DLG2: variants seen among roughly 807,000 people sequenced by gnomAD.
DLG2 encodes discs large MAGUK scaffold protein 2.
In DLG2, 45 loss-of-function variants were observed where a neutral mutation model predicts 132.5. That is an observed-to-expected ratio of 0.34 (90% confidence interval 0.27 to 0.44). DLG2 has a LOEUF of 0.44. Among genes scored for constraint, DLG2 ranks in the 20% least tolerant of loss-of-function variants. The pLI, the probability that DLG2 is intolerant of heterozygous loss-of-function variation, is 1.00. For synonymous variants in DLG2, 424 were observed against 419.6 expected (o/e 1.01, Z -0.13); for missense variants, 1,045 against 1,196.9 (o/e 0.87, Z 1.87).
intron 6 of DLG2, among the ~76,000 whole-genome samples, chr11:84,973,743 C>T (rs2054454659): frequency 6.6e-6 from 1 of 152,140 alleles, no homozygotes; most frequent in Admixed American, 6.5e-5. Flanking sequence ...TATATGGTCT[C>T]CATTGCCAAT....
chr11:84,302,783 T>G (rs1391925118), intron 7 of DLG2, among the ~76,000 whole-genome samples: 1 of 152,072 alleles, frequency 6.6e-6, no homozygotes, highest in Non-Finnish European at 1.5e-5. Context: ...CTAGTTTTTA[T>G]TTTATTAAAA....
intron 6 of DLG2, among the ~76,000 whole-genome samples, chr11:84,989,255 A>G (rs2056833606): frequency 6.6e-6 from 1 of 152,118 alleles, no homozygotes; most frequent in African/African-American, 2.4e-5. Context: ...AGCTCACTGC[A>G]ACCTCTGACC....
At chr11:85,394,880 A>T (rs1347353275) in intron 3 of DLG2, among the ~76,000 whole-genome samples, 51 of 152,176 alleles carry the variant, frequency 3.4e-4, no homozygotes, top group Non-Finnish European at 2.1e-4. Context: ...TTACCACACA[A>T]ATTATAGGTT....
At chr11:84,146,455 C>T (rs146453251) in intron 9 of DLG2, among the ~76,000 whole-genome samples, 2,981 of 151,572 alleles carry the variant, frequency 0.02, 99 homozygotes, top group African/African-American at 0.068. Context: ...CTCATGTACC[C>T]CATAAATATA....
At chr11:85,573,362 T>A (rs7948778) in intron 3 of DLG2, among the ~76,000 whole-genome samples, 34,290 of 152,146 alleles carry the variant, frequency 0.23, 4,636 homozygotes, top group African/African-American at 0.36. Flanking sequence ...GTAAAGTGCT[T>A]TATTTACATA....
At chr11:83,901,208 T>C (rs1369292924) in intron 15 of DLG2, among the ~76,000 whole-genome samples, 1 of 152,218 alleles carries the variant, frequency 6.6e-6, no homozygotes, top group East Asian at 1.9e-4. Context: ...GGAAGGGACT[T>C]GCCTTGTCTT....
At chr11:85,043,417 G>A (rs1011249205) in intron 6 of DLG2, among the ~76,000 whole-genome samples, 6 of 151,696 alleles carry the variant, frequency 4.0e-5, no homozygotes, top group African/African-American at 1.5e-4. Flanking sequence ...AAATAGATGA[G>A]AAAGCTTCAC....
intron 11 of DLG2, among the ~76,000 whole-genome samples, chr11:83,981,183 T>C (rs1010743919): frequency 1.3e-5 from 2 of 152,164 alleles, no homozygotes. Context: ...AGTTACACTG[T>C]TTATATACAT....
At chr11:85,243,288 T>C (rs1478785485) in intron 4 of DLG2, among the ~76,000 whole-genome samples, 1 of 152,024 alleles carries the variant, frequency 6.6e-6, no homozygotes, top group African/African-American at 2.4e-5. Context: ...ATGCAATTGC[T>C]TATTTACTTG....
chr11:84,622,341 T>C (rs891548152), intron 6 of DLG2, among the ~76,000 whole-genome samples: 6 of 152,204 alleles, frequency 3.9e-5, no homozygotes, highest in African/African-American at 1.4e-4. Context: ...TATGACTGTA[T>C]AGAATGCTAT....
chr11:85,356,789 TAGATAGATA>T (rs2083726908), intron 3 of DLG2, among the ~76,000 whole-genome samples: 1 of 123,444 alleles, frequency 8.1e-6, no homozygotes, highest in South Asian at 2.5e-4. Context: ...GATAGATAGA[TAGATAGATA>T]GATAGATAGA....
intron 3 of DLG2, among the ~76,000 whole-genome samples, chr11:85,351,433 A>G (rs2083279119): frequency 6.6e-6 from 1 of 152,218 alleles, no homozygotes; most frequent in South Asian, 2.1e-4. Flanking sequence ...CCTGGCAAGA[A>G]CTTCCAACAC....
intron 3 of DLG2, chr11:85,524,863 AATT>A (rs1484938577): frequency 6.6e-6 from 1 of 152,096 alleles, no homozygotes; most frequent in Non-Finnish European, 1.5e-5. Context: ...AAAAAAAAGA[AATT>A]ATTGTTTCAG....
chr11:83,788,779 T>C (rs1341402678), intron 17 of DLG2, among the ~76,000 whole-genome samples: 1 of 152,240 alleles, frequency 6.6e-6, no homozygotes, highest in Admixed American at 6.5e-5. Flanking sequence ...TTCAGAAAGG[T>C]CTAAAAGGAA....
At chr11:83,681,129 C>CAT (rs1480607554) in intron 18 of DLG2, among the ~76,000 whole-genome samples, 1 of 152,120 alleles carries the variant, frequency 6.6e-6, no homozygotes, top group African/African-American at 2.4e-5. Flanking sequence ...TACTCCTCTC[C>CAT]ATATATAATA....
intron 6 of DLG2, among the ~76,000 whole-genome samples, chr11:85,019,839 T>C (rs2059887149): frequency 6.6e-6 from 1 of 152,236 alleles, no homozygotes; most frequent in African/African-American, 2.4e-5. Context: ...GGTGTATATG[T>C]GCCACATTGT....
chr11:83,862,247 C>T lies in DLG2; in HGVS notation c.1565+12173G>A, dbSNP rs147697819. 3.8e-4 allele frequency among the ~76,000 whole-genome samples: 58 copies of T among 152,208 alleles called. No individual in the cohort carries two copies. In the East Asian group the frequency reaches 0.01, roughly 27 times the overall value. ...AAATGTGGTACAAATACACAATGCA[C>T]TACTATCCAGCCATAAAAAAGAATG... On this transcript the variant is annotated intron_variant, in intron 16 of 27. Transcript: ENST00000376104.
chr11:84,258,584 G>A (rs1349399082), intron 7 of DLG2, among the ~76,000 whole-genome samples: 1 of 152,066 alleles, frequency 6.6e-6, no homozygotes, highest in Non-Finnish European at 1.5e-5. Context: ...AAGAAGGAAG[G>A]AATGAAAGAA....
chr11:85,419,233 G>A (rs2090105129), intron 3 of DLG2, among the ~76,000 whole-genome samples: 1 of 152,314 alleles, frequency 6.6e-6, no homozygotes, highest in African/African-American at 2.4e-5. Flanking sequence ...TTTTCTTTAA[G>A]AGTGTTGAAT....
Sources: allele counts gnomAD v4.1 joint callset (sites outside exome capture counted in the v4.1 genomes callset), GRCh38; gene constraint gnomAD v4.1.1; transcripts MANE v1.5; gene names NCBI Gene and HGNC (gene_info 2026-07-23, HGNC 2026-07-21).